The following MFSD6 variants were observed in gnomAD, a reference collection of about 807,000 sequenced individuals.
MFSD6 encodes major facilitator superfamily domain containing 6.
In MFSD6, 26 loss-of-function variants were observed where a neutral mutation model predicts 56.3. That is an observed-to-expected ratio of 0.46 (90% CI 0.34 to 0.64). The LOEUF is 0.64. Among genes scored for constraint, MFSD6 ranks in the 30% least tolerant of loss-of-function variants. The probability of loss-of-function intolerance (pLI) is 0.01; values close to 1 mark genes in which losing one functional copy is unlikely to be tolerated. For missense variants in MFSD6, 750 were observed against 986.2 expected, an observed-to-expected ratio of 0.76 and a Z score of 3.21; for synonymous variants, 331 against 366.9, an observed-to-expected ratio of 0.90 and a Z score of 1.12.
intron 2 of MFSD6, among the ~76,000 whole-genome samples, chr2:190,419,794 T>C (rs1476359057): frequency 6.6e-6 from 1 of 152,256 alleles, no homozygotes; most frequent in African/African-American, 2.4e-5. Flanking sequence ...CAGAAATACC[T>C]GCTATTTGAA....
chr2:190,414,160 C>A (rs935902599), intron 1 of MFSD6, among the ~76,000 whole-genome samples: 3 of 152,070 alleles, frequency 2.0e-5, no homozygotes, highest in African/African-American at 4.8e-5. Flanking sequence ...GGATAAATAA[C>A]TAATGCATGT....
Position 190,498,444 on chromosome 2 carries a change from A to G in MFSD6, c.2172+725A>G, listed in dbSNP as rs1396484830. On this transcript the variant is annotated intron_variant, in intron 7 of 7. Transcript: ENST00000392328. The surrounding 1 kb of genome is among the most constrained non-coding windows in gnomAD (Gnocchi z 5.9). Reference sequence around the variant, plus strand: ...GGACACATAAAAATAAAGGGGAAAGATTTAAAAATAAGGGTCATTTGAGTA... The same window carrying G: ...GGACACATAAAAATAAAGGGGAAAGGTTTAAAAATAAGGGTCATTTGAGTA... Among the ~76,000 whole-genome samples the G allele has an allele frequency of 1.3e-5, 2 of 152,200 alleles. No homozygotes were observed. Among genetic ancestry groups the G allele is most frequent in the Non-Finnish European group, 2.9e-5 (2 of 68,028 alleles).
chr2:190,417,623 C>G lies in MFSD6; in HGVS notation c.-54+2210C>G, dbSNP rs1357951050. 2.0e-5 allele frequency among the ~76,000 whole-genome samples: 3 copies of G among 152,074 alleles called. No individual in the cohort carries two copies. Among genetic ancestry groups the G allele is most frequent in the African/African-American group, 4.8e-5 (2 of 41,398 alleles). On this transcript the variant is annotated intron_variant, in intron 2 of 7. Transcript: ENST00000392328. The surrounding 1 kb of genome is among the most constrained non-coding windows in gnomAD (Gnocchi z 5.7). ...TCCATTGTATTTTGTGTTCTGTCGTCCCTCAGCCTGGTATTCAAGGCCCTG... is the reference window on the plus strand; with the variant it reads ...TCCATTGTATTTTGTGTTCTGTCGTGCCTCAGCCTGGTATTCAAGGCCCTG...
Position 190,423,506 on chromosome 2 carries a change from T to C in MFSD6, c.-54+8093T>C, listed in dbSNP as rs1319356281. On this transcript the variant is annotated intron_variant, in intron 2 of 7. Transcript: ENST00000392328. This position sits in a 1 kb window ranked among gnomAD's most constrained non-coding sequence, Gnocchi z 4.3. Reference sequence around the variant, plus strand: ...TGCATAATATCCCATAGTAAAGCTGTAGTACAATTTGTTTAATTAGTCCTT... The same window carrying C: ...TGCATAATATCCCATAGTAAAGCTGCAGTACAATTTGTTTAATTAGTCCTT... 6.6e-6 allele frequency among the ~76,000 whole-genome samples: 1 copy of C among 152,250 alleles called. No individual in the cohort carries two copies. The highest frequency in any genetic ancestry group is 2.4e-5 in the African/African-American group (1 of 41,470).
intron 4 of MFSD6, among the ~76,000 whole-genome samples, chr2:190,484,307 T>C (rs1009660744): frequency 2.6e-5 from 4 of 152,248 alleles, no homozygotes; most frequent in African/African-American, 9.6e-5. Flanking sequence ...GTAATTCTAG[T>C]GTAAACACAT....
At chr2:190,455,732 G>T (rs939567811) in intron 3 of MFSD6, among the ~76,000 whole-genome samples, 2 of 151,848 alleles carry the variant, frequency 1.3e-5, no homozygotes, top group Non-Finnish European at 2.9e-5. Flanking sequence ...TCGTGCGGAG[G>T]TCTCAGAGAT....
At position 190,414,980 on chromosome 2, in the gene MFSD6, A is replaced by AT. The variant is rs1477752008; in HGVS notation, c.-175-308dup. ...GCATTTTACCATGTAGTTAAGTTCT[A>AT]TTTTCCCATGATATGGATATAAGAT... is the stretch of plus-strand genomic sequence containing the variant. On this transcript the variant is annotated intron_variant, in intron 1 of 7. Transcript: ENST00000392328. Among the ~76,000 whole-genome samples, 7 of 152,164 alleles carry AT rather than the reference A, an allele frequency of 4.6e-5. No individual in the cohort carries two copies. In the East Asian group the frequency reaches 1.2e-3, roughly 25 times the overall value.
intron 2 of MFSD6, among the ~76,000 whole-genome samples, chr2:190,430,307 C>T (rs1245074245): frequency 1.3e-5 from 2 of 149,134 alleles, no homozygotes; most frequent in Non-Finnish European, 3.0e-5. Context: ...AGCAGATAAA[C>T]AAGTGAACAA....
rs1264664527 is a variant in MFSD6 at position 190,485,219 on chromosome 2, G to A, written c.1631-3438G>A. ...AGATACAAACCCTGTGGTTGGAAGA[G>A]TTTGTGTGTGTCCAAGCCTTCACAC... On this transcript the variant is annotated intron_variant, in intron 4 of 7. Coordinates refer to ENST00000392328, the MANE Select transcript of MFSD6 (RefSeq NM_017694.4). This position sits in a 1 kb window ranked among gnomAD's most constrained non-coding sequence, Gnocchi z 5.1. Among the ~76,000 whole-genome samples the A allele has an allele frequency of 6.6e-6, 1 of 152,184 alleles. No homozygotes were observed. The highest frequency in any genetic ancestry group is 1.5e-5 in the Non-Finnish European group (1 of 68,010).
intron 3 of MFSD6, chr2:190,442,700 T>C (rs1189488803): frequency 2.0e-5 from 3 of 152,062 alleles, no homozygotes; most frequent in Admixed American, 1.3e-4. Context: ...AAAAATCTAA[T>C]AGGAAATTCA....
chr2:190,412,526 G>C lies in MFSD6; in HGVS notation c.-175-2766G>C. The C allele has an allele frequency of 1.0e-6, 1 of 985,326 alleles. No individual in the cohort carries two copies. Among genetic ancestry groups the C allele is most frequent in the Non-Finnish European group, 1.2e-6 (1 of 829,904 alleles). 61.0% of individuals were successfully genotyped at this position (985,326 alleles called of 1,614,324 possible). A position where few individuals can be genotyped will look rare whatever the true frequency, so the allele number is the denominator to read the frequency against. ...TTCTTCCTCAAACTCAACTAACATGGCATTTCCTTGGGCATAGCATTTTTG... is the reference window on the plus strand; with the variant it reads ...TTCTTCCTCAAACTCAACTAACATGCCATTTCCTTGGGCATAGCATTTTTG... On this transcript the variant is annotated intron_variant, in intron 1 of 7. Coordinates refer to ENST00000392328, the MANE Select transcript of MFSD6 (RefSeq NM_017694.4). The surrounding 1 kb of genome is among the most constrained non-coding windows in gnomAD (Gnocchi z 4.1).
chr2:190,481,564 T>G (rs1398935784), intron 4 of MFSD6, among the ~76,000 whole-genome samples: 8 of 152,218 alleles, frequency 5.3e-5, no homozygotes, highest in Admixed American at 4.6e-4. Context: ...GAGCTCAGTC[T>G]GCGTCCCCTT....
chr2:190,500,159 G>A lies in MFSD6; in HGVS notation c.2317G>A (p.Asp773Asn). ...TQTSPAHPSV[D>N]PCTEESEEQQ... is the part of the protein sequence containing the mutation. ...GACCAGCCCCGCTCACCCCAGTGTG[G>A]ACCCGTGCACAGAGGAGAGTGAAGA... Residue 773 changes from aspartate (D) to asparagine (N), a missense_variant, in exon 8 of 8, where the codon GAC becomes AAC. This residue lies in a region of MFSD6 where 172 missense variants were observed against 203.9 expected (regional missense o/e 0.84). Coordinates refer to ENST00000392328, the MANE Select transcript of MFSD6 (RefSeq NM_017694.4). The surrounding 1 kb of genome is among the most constrained non-coding windows in gnomAD (Gnocchi z 5.3). 6.2e-7 allele frequency: 1 copy of A among 1,614,126 alleles called. No individual in the cohort carries two copies. Among genetic ancestry groups the A allele is most frequent in the Non-Finnish European group, 8.5e-7 (1 of 1,180,022 alleles).
chr2:190,441,524 CA>C (rs1460827026), intron 3 of MFSD6, among the ~76,000 whole-genome samples: 1 of 152,018 alleles, frequency 6.6e-6, no homozygotes, highest in Non-Finnish European at 1.5e-5. Flanking sequence ...TTTCTCTTTC[CA>C]GCTCATGCAG....
At position 190,464,807 on chromosome 2, in the gene MFSD6, C is replaced by G. The variant is rs1574164780; in HGVS notation, c.1533-4951C>G. 5 of 592,982 alleles carry G rather than the reference C, an allele frequency of 8.4e-6. No homozygotes were observed. In the South Asian group the frequency reaches 3.6e-4, roughly 42 times the overall value. 36.7% of individuals were successfully genotyped at this position (592,982 alleles called of 1,614,324 possible). A position where few individuals can be genotyped will look rare whatever the true frequency, so the allele number is the denominator to read the frequency against. On this transcript the variant is annotated intron_variant, in intron 3 of 7. Coordinates refer to ENST00000392328, the MANE Select transcript of MFSD6 (RefSeq NM_017694.4). ...CCCTTGAAGACCAAGTAGATTTCCT[C>G]TTCATTTTTACTCCCCTCACAGTAT...
rs191427767 is a variant in MFSD6 at position 190,413,607 on chromosome 2, G to A, written c.-175-1685G>A. ...TGGGCAGAGTGAGCTCTGGTGTGTG[G>A]CTTTGAGGAGGATAAAAAGGAGGAA... is the stretch of plus-strand genomic sequence containing the variant. On this transcript the variant is annotated intron_variant, in intron 1 of 7. Transcript: ENST00000392328. The surrounding 1 kb of genome is among the most constrained non-coding windows in gnomAD (Gnocchi z 4.1). Among the ~76,000 whole-genome samples, 33 of 152,296 alleles carry A rather than the reference G, an allele frequency of 2.2e-4. No individual in the cohort carries two copies. Among genetic ancestry groups the A allele is most frequent in the South Asian group, 4.1e-4 (2 of 4,822 alleles).
chr2:190,458,610 T>C lies in MFSD6; in HGVS notation c.1533-11148T>C, dbSNP rs939827360. Among the ~76,000 whole-genome samples, 3 of 152,220 alleles carry C rather than the reference T, an allele frequency of 2.0e-5. No individual in the cohort carries two copies. Among genetic ancestry groups the C allele is most frequent in the Non-Finnish European group, 2.9e-5 (2 of 68,034 alleles). ...TTTAGATTCCCTTCCCCCCGAGTGCTTGACAGATGGTTATTAGCCTTTGCT... is the reference window on the plus strand; with the variant it reads ...TTTAGATTCCCTTCCCCCCGAGTGCCTGACAGATGGTTATTAGCCTTTGCT... On this transcript the variant is annotated intron_variant, in intron 3 of 7. Coordinates refer to ENST00000392328, the MANE Select transcript of MFSD6 (RefSeq NM_017694.4). The surrounding 1 kb of genome is among the most constrained non-coding windows in gnomAD (Gnocchi z 5.3).
rs1270215385 is a variant in MFSD6 at position 190,487,088 on chromosome 2, A to T, written c.1631-1569A>T. ...CATGGCTGGGTGCAGTGGCTCACTA[A>T]TCCCAGCACTTTGAGAGGCTGAGGC... On this transcript the variant is annotated intron_variant, in intron 4 of 7. Transcript: ENST00000392328. The surrounding 1 kb of genome is among the most constrained non-coding windows in gnomAD (Gnocchi z 5.5). Among the ~76,000 whole-genome samples, 1 of 152,160 alleles carries T rather than the reference A, an allele frequency of 6.6e-6. No homozygotes were observed. Among genetic ancestry groups the T allele is most frequent in the African/African-American group, 2.4e-5 (1 of 41,426 alleles).
rs569680479 is a variant in MFSD6 at position 190,451,896 on chromosome 2, G to T, written c.1532+14335G>T. Among the ~76,000 whole-genome samples the T allele has an allele frequency of 4.6e-5, 7 of 152,338 alleles. No homozygotes were observed. In the East Asian group the frequency reaches 9.6e-4, roughly 21 times the overall value. ...GCTTTTATGTTTTTTGAAGGCAATTGCTTGGGCAGAGGATTTCTTATTATT... is the reference window on the plus strand; with the variant it reads ...GCTTTTATGTTTTTTGAAGGCAATTTCTTGGGCAGAGGATTTCTTATTATT... On this transcript the variant is annotated intron_variant, in intron 3 of 7. Coordinates refer to ENST00000392328, the MANE Select transcript of MFSD6 (RefSeq NM_017694.4). This position sits in a 1 kb window ranked among gnomAD's most constrained non-coding sequence, Gnocchi z 5.0.
Sources: gnomAD v4.1 joint callset for allele counts (sites outside exome capture counted in the v4.1 genomes callset) on GRCh38, gnomAD v4.1.1 for gene constraint, gnomAD v4.1.1 regional missense constraint, Gnocchi (gnomAD v3.1) non-coding constraint, MANE v1.5 for transcripts, NCBI Gene and HGNC (gene_info 2026-07-23, HGNC 2026-07-21) for gene names.